Variants in NFATC1 observed in about 807,000 individuals in gnomAD.
NFATC1 encodes nuclear factor of activated T cells 1.
Under a neutral mutation model 76.0 loss-of-function variants are expected in NFATC1, and 22 were observed. The observed-to-expected ratio is 0.29, with a 90% confidence interval of 0.21 to 0.41. The LOEUF is 0.41. NFATC1 is among the 10% of genes least tolerant of loss of function. The probability of loss-of-function intolerance (pLI) is 1.00; values close to 1 mark genes in which losing one functional copy is unlikely to be tolerated. For missense variants in NFATC1, 1,357 were observed against 1,337.7 expected (o/e 1.01, Z -0.23); for synonymous variants, 704 against 613.1 (o/e 1.15, Z -2.19).
chr18:79,397,942 T>G (rs2148116738), intron 1 of NFATC1, among the ~76,000 whole-genome samples: 1 of 152,286 alleles, frequency 6.6e-6, no homozygotes, highest in South Asian at 2.1e-4. Context: ...GCTGCAGAAC[T>G]GGGCCAGCCG....
intron 1 of NFATC1, chr18:79,400,234 T>C (rs1431993582): frequency 5.1e-6 from 6 of 1,187,300 alleles, no homozygotes; most frequent in Non-Finnish European, 5.2e-6. Flanking sequence ...GCCGGTTGTT[T>C]ATGTAAACCC....
intron 8 of NFATC1, among the ~76,000 whole-genome samples, chr18:79,481,295 C>T (rs1312288558): frequency 6.6e-6 from 1 of 152,260 alleles, no homozygotes; most frequent in Non-Finnish European, 1.5e-5. Flanking sequence ...AGACGCGTGC[C>T]CTGGATGAAA....
At chr18:79,441,634 A>C (rs905514028) in intron 3 of NFATC1, among the ~76,000 whole-genome samples, 7 of 151,836 alleles carry the variant, frequency 4.6e-5, no homozygotes, top group African/African-American at 7.3e-5. Flanking sequence ...AGCGGAAACC[A>C]CCTCACTTCT....
chr18:79,409,939 C>G, intron 1 of NFATC1: 1 of 482,142 alleles, frequency 2.1e-6, no homozygotes, highest in Admixed American at 2.2e-5. Context: ...GAAGGATGGC[C>G]CACGTGTTGA....
At chr18:79,445,228 C>T (rs1211927160) in intron 3 of NFATC1, among the ~76,000 whole-genome samples, 1 of 152,192 alleles carries the variant, frequency 6.6e-6, no homozygotes, top group Non-Finnish European at 1.5e-5. Flanking sequence ...TTTGGTGTGC[C>T]GTGGGTCACG....
At chr18:79,397,905 C>T (rs1480746878) in intron 1 of NFATC1, among the ~76,000 whole-genome samples, 1 of 152,176 alleles carries the variant, frequency 6.6e-6, no homozygotes, top group African/African-American at 2.4e-5. Context: ...CAGCGACGCC[C>T]GACCGACATG....
chr18:79,413,677 G>T (rs2085777106), intron 2 of NFATC1, among the ~76,000 whole-genome samples: 1 of 152,244 alleles, frequency 6.6e-6, no homozygotes, highest in Non-Finnish European at 1.5e-5. Flanking sequence ...TACTGTCGCA[G>T]TAAAAATGGC....
At chr18:79,467,911 T>A (rs1159187945) in intron 8 of NFATC1, 1 of 1,147,130 alleles carries the variant, frequency 8.7e-7, no homozygotes, top group Non-Finnish European at 1.1e-6. Flanking sequence ...CTGGTGTGCA[T>A]TTGCACCCTA....
intron 8 of NFATC1, among the ~76,000 whole-genome samples, chr18:79,480,074 C>T (rs2089220693): frequency 3.3e-5 from 5 of 152,340 alleles, no homozygotes; most frequent in Admixed American, 2.6e-4. Flanking sequence ...ACGGTGACCA[C>T]GTCGCAGCTC....
At chr18:79,400,585 C>G in intron 1 of NFATC1, 1 of 1,038,910 alleles carries the variant, frequency 9.6e-7, no homozygotes, top group Non-Finnish European at 1.3e-6. Context: ...CCAGGAGTCC[C>G]CGGCGCGCCC....
chr18:79,492,597 C>T (rs914687608), intron 9 of NFATC1, among the ~76,000 whole-genome samples: 5 of 151,950 alleles, frequency 3.3e-5, no homozygotes, highest in Non-Finnish European at 5.9e-5. Context: ...TAGTCCCAGC[C>T]ACTCGGGAGG....
intron 2 of NFATC1, among the ~76,000 whole-genome samples, chr18:79,420,547 G>A (rs1221066567): frequency 1.3e-5 from 2 of 151,488 alleles, no homozygotes; most frequent in African/African-American, 4.9e-5. Flanking sequence ...GAGGAAGAGG[G>A]GGATGCGTTT....
At position 79,486,569 on chromosome 18, in the gene NFATC1, G is replaced by A. The variant is rs1235032639; in HGVS notation, c.2414G>A (p.Arg805Lys). Residue 805 changes from arginine (R) to lysine (K), a missense_variant, in exon 9 of 10, where the codon AGG becomes AAG. Transcript: ENST00000427363. ...GCCCCCGCCGTCCAGGACGTGCCCA[G>A]GCCAGTGGCCACGCACCCCGGCTCG... ...GEAPAVQDVP[R>K]PVATHPGSPG... The A allele has an allele frequency of 1.3e-6, 2 of 1,592,842 alleles. No individual in the cohort carries two copies. The highest frequency in any genetic ancestry group is 1.7e-6 in the Non-Finnish European group (2 of 1,174,390).
intron 9 of NFATC1, among the ~76,000 whole-genome samples, chr18:79,507,867 G>A (rs555148972): frequency 2.2e-4 from 33 of 152,372 alleles, no homozygotes; most frequent in African/African-American, 7.5e-4. Context: ...AGGGAAACAC[G>A]TCCGTCACGT....
intron 7 of NFATC1, among the ~76,000 whole-genome samples, chr18:79,464,681 T>TACACAC (rs1423894668): frequency 3.8e-4 from 38 of 100,122 alleles, no homozygotes; most frequent in East Asian, 7.8e-4. Flanking sequence ...TATATGTATG[T>TACACAC]GTATATATAT....
chr18:79,506,259 C>T (rs1448917128), intron 9 of NFATC1, among the ~76,000 whole-genome samples: 3 of 152,170 alleles, frequency 2.0e-5, no homozygotes, highest in East Asian at 1.9e-4. Flanking sequence ...ACAGTGGTCT[C>T]GGCCGAGCAG....
chr18:79,406,138 G>C (rs2085429371), intron 1 of NFATC1, among the ~76,000 whole-genome samples: 1 of 150,880 alleles, frequency 6.6e-6, no homozygotes, highest in Non-Finnish European at 1.5e-5. Flanking sequence ...AGGATGGTGG[G>C]GAGGCCCCAA....
intron 1 of NFATC1, among the ~76,000 whole-genome samples, chr18:79,404,730 G>T (rs1600593029): frequency 6.6e-6 from 1 of 152,198 alleles, no homozygotes; most frequent in East Asian, 1.9e-4. Flanking sequence ...AGCAGTGCTG[G>T]CCTGATGCGC....
At chr18:79,515,983 AAC>A (rs765425962) in intron 9 of NFATC1, 12 of 150,928 alleles carry the variant, frequency 8.0e-5, no homozygotes, top group African/African-American at 1.7e-4. Flanking sequence ...GATCCGTGGA[AAC>A]ACGCGCCCGC....
Sources: allele counts gnomAD v4.1 joint callset (sites outside exome capture counted in the v4.1 genomes callset), GRCh38; gene constraint gnomAD v4.1.1; transcripts MANE v1.5; gene names NCBI Gene and HGNC (gene_info 2026-07-23, HGNC 2026-07-21).